The following ATP11A variants were observed in gnomAD, a reference collection of about 807,000 sequenced individuals.
ATP11A encodes ATPase phospholipid transporting 11A.
ATP11A carries 81 observed loss-of-function variants against 154.4 expected under a neutral mutation model. The ratio of observed to expected loss-of-function variants is 0.52; its 90% CI spans 0.44 to 0.63. The LOEUF is 0.63. ATP11A is among the 30% of genes least tolerant of loss of function. The probability of loss-of-function intolerance (pLI) is 0.00; values close to 1 mark genes in which losing one functional copy is unlikely to be tolerated. For synonymous variants in ATP11A, 623 were observed against 585.9 expected (o/e 1.06, Z -0.91); for missense variants, 1,316 against 1,474.3 (o/e 0.89, Z 1.76).
chr13:112,800,979 G>C lies in ATP11A; in HGVS notation c.163-3978G>C, dbSNP rs536030384. Reference sequence around the variant, plus strand: ...GTACTGCAGCAAACTAAAAACAGAGGGGAATTTCCTGAGCTTCATAAAGAG... The same window carrying C: ...GTACTGCAGCAAACTAAAAACAGAGCGGAATTTCCTGAGCTTCATAAAGAG... On this transcript the variant is annotated intron_variant, in intron 2 of 29. Coordinates refer to ENST00000375645, the MANE Select transcript of ATP11A (RefSeq NM_015205.3). Among the ~76,000 whole-genome samples, 171 of 152,208 alleles carry C rather than the reference G, an allele frequency of 1.1e-3. 2 individuals are homozygous for C. The highest frequency in any genetic ancestry group is 5.8e-4 in the East Asian group (3 of 5,182).
intron 18 of ATP11A, chr13:112,851,482 ATAT>A (rs1374814382): frequency 1.1e-5 from 4 of 365,338 alleles, no homozygotes; most frequent in African/African-American, 9.2e-5. Context: ...TTGTCATATC[ATAT>A]TATGAACAGG....
chr13:112,747,678 G>A (rs145640900), intron 1 of ATP11A, among the ~76,000 whole-genome samples: 2,114 of 152,140 alleles, frequency 0.014, 45 homozygotes, highest in African/African-American at 0.04. Context: ...TCTACTAAAA[G>A]TACAAAAATT....
intron 1 of ATP11A, among the ~76,000 whole-genome samples, chr13:112,704,100 C>CG (rs1004766798): frequency 2.6e-5 from 4 of 152,294 alleles, no homozygotes; most frequent in Admixed American, 2.6e-4. Context: ...CTGTCCCAGG[C>CG]GGGGGAGTCA....
intron 26 of ATP11A, among the ~76,000 whole-genome samples, chr13:112,872,408 C>T (rs1029966811): frequency 3.9e-5 from 6 of 152,184 alleles, no homozygotes; most frequent in African/African-American, 1.2e-4. Flanking sequence ...GTCAGCAGTT[C>T]GAGACCAGCC....
At position 112,873,658 on chromosome 13, in the gene ATP11A, T is replaced by C. The variant is rs369157712; in HGVS notation, c.3143T>C (p.Leu1048Pro). The C allele has an allele frequency of 6.2e-7, 1 of 1,613,314 alleles. No homozygotes were observed. The highest frequency in any genetic ancestry group is 8.5e-7 in the Non-Finnish European group (1 of 1,179,368). Residue 1048 changes from leucine to proline, a missense_variant, in exon 27 of 30, where the codon CTC becomes CCC. This residue lies in a region of ATP11A where 294 missense variants were observed against 290.2 expected (regional missense o/e 1.01). Coordinates refer to ENST00000375645, the MANE Select transcript of ATP11A (RefSeq NM_015205.3). ...SLLFYVVFSL[L>P]WGGVIWPFLN... ...CTGTTCTACGTTGTCTTTTCGCTTC[T>C]CTGGGGAGGAGTGATCTGGTAAATA... is the stretch of plus-strand genomic sequence containing the variant.
At chr13:112,760,295 C>T (rs1031434936) in intron 1 of ATP11A, among the ~76,000 whole-genome samples, 1 of 152,144 alleles carries the variant, frequency 6.6e-6, no homozygotes, top group Non-Finnish European at 1.5e-5. Context: ...TTCGTCCAGG[C>T]GCTGCTGTGT....
chr13:112,854,443 A>G lies in ATP11A; in HGVS notation c.2156A>G (p.Glu719Gly). 3 of 1,612,866 alleles carry G rather than the reference A, an allele frequency of 1.9e-6. No homozygotes were observed. The highest frequency in any genetic ancestry group is 1.7e-6 in the Non-Finnish European group (2 of 1,179,966). Residue 719 changes from glutamate (E) to glycine (G), a missense_variant, in exon 19 of 30, where the codon GAG becomes GGG. By Grantham distance (98) the Glu-to-Gly change is moderately conservative. Around this residue, in one of 5 missense-constraint regions of ATP11A, gnomAD observed 876 missense variants for 1,006.8 expected, o/e 0.87. Transcript: ENST00000375645. Reference sequence around the variant, plus strand: ...CTGGAGCTGACCACCAAGAGGATCGAGGAGCAGAGCCTGCACGACGTCCTG... The same window carrying G: ...CTGGAGCTGACCACCAAGAGGATCGGGGAGCAGAGCCTGCACGACGTCCTG... ...QLLELTTKRI[E>G]EQSLHDVLFE...
chr13:112,849,973 AG>A (rs1228318772), intron 17 of ATP11A, among the ~76,000 whole-genome samples: 1 of 152,238 alleles, frequency 6.6e-6, no homozygotes, highest in African/African-American at 2.4e-5. Context: ...CCTGGAGAAC[AG>A]GACTCAGGCA....
At chr13:112,706,221 G>GT (rs1286945925) in intron 1 of ATP11A, among the ~76,000 whole-genome samples, 35 of 152,294 alleles carry the variant, frequency 2.3e-4, no homozygotes, top group African/African-American at 7.7e-4. Context: ...ATAGTAAAAG[G>GT]TAAAAAGGTA....
At chr13:112,698,291 C>T (rs967697783) in intron 1 of ATP11A, among the ~76,000 whole-genome samples, 3 of 152,162 alleles carry the variant, frequency 2.0e-5, no homozygotes, top group African/African-American at 7.2e-5. Context: ...ATCACTGCTG[C>T]GTCGAAGCCT....
rs1233411678 is a variant in ATP11A, at chr13:112,785,210, G to A, written c.115G>A (p.Ala39Thr). The A allele has an allele frequency of 6.3e-7, 1 of 1,575,280 alleles. No individual in the cohort carries two copies. ...CAGGGAGCCACCTCCGGGCGCAGAG[G>A]CCTACATCCCACAGAGATACCCAGA... Reference protein sequence around the residue: ...GHREPPPGAEAYIPQRYPDNR... With the variant: ...GHREPPPGAETYIPQRYPDNR... The change falls in exon 2 of 30, where the codon GCC (alanine) becomes ACC (threonine). Residue 39 changes from alanine to threonine, a missense_variant. Ala to Thr is a moderately conservative substitution (Grantham distance 58). Transcript: ENST00000375645. This position sits in a 1 kb window ranked among gnomAD's most constrained non-coding sequence, Gnocchi z 4.8.
At chr13:112,818,574 G>C (rs2078710449) in intron 6 of ATP11A, among the ~76,000 whole-genome samples, 2 of 152,174 alleles carry the variant, frequency 1.3e-5, no homozygotes, top group Admixed American at 1.3e-4. Context: ...CCCAAGGCAG[G>C]GCCGGTGCAG....
chr13:112,698,193 C>A (rs1164687556), intron 1 of ATP11A, among the ~76,000 whole-genome samples: 1 of 152,128 alleles, frequency 6.6e-6, no homozygotes, highest in Non-Finnish European at 1.5e-5. Flanking sequence ...TGACTCCTGG[C>A]CTGCTGGTTT....
intron 1 of ATP11A, among the ~76,000 whole-genome samples, chr13:112,779,603 CA>C (rs1392719648): frequency 6.6e-6 from 1 of 152,196 alleles, no homozygotes; most frequent in Non-Finnish European, 1.5e-5. Flanking sequence ...AACAGAGAAG[CA>C]CTTCTGACAT....
intron 19 of ATP11A, 33 bp downstream of exon 19, chr13:112,854,563 C>G: frequency 6.3e-7 from 1 of 1,587,406 alleles, no homozygotes; most frequent in Non-Finnish European, 8.5e-7. Flanking sequence ...CACCCCCACA[C>G]TCCCGCAAAA....
chr13:112,733,455 T>C (rs1325310695), intron 1 of ATP11A, among the ~76,000 whole-genome samples: 1 of 152,232 alleles, frequency 6.6e-6, no homozygotes, highest in African/African-American at 2.4e-5. Context: ...TTACTAACAC[T>C]GGATATTAAC....
intron 1 of ATP11A, among the ~76,000 whole-genome samples, chr13:112,716,994 C>G (rs554887427): frequency 6.6e-6 from 1 of 152,036 alleles, no homozygotes; most frequent in East Asian, 1.9e-4. Context: ...CGCAGACCCA[C>G]TGGCCTGCAG....
chr13:112,747,505 T>C (rs1892301794), intron 1 of ATP11A: 2 of 152,264 alleles, frequency 1.3e-5, no homozygotes, highest in South Asian at 2.1e-4. Context: ...TATGTGCACA[T>C]TCAATAGCCC....
At chr13:112,801,112 T>G (rs111243404) in intron 2 of ATP11A, among the ~76,000 whole-genome samples, 2,799 of 111,598 alleles carry the variant, frequency 0.025, 2 homozygotes, top group East Asian at 0.057. Context: ...CTGTTCTTAT[T>G]CAGCATTGTA....
Sources: allele counts gnomAD v4.1 joint callset (sites outside exome capture counted in the v4.1 genomes callset), GRCh38; gene constraint gnomAD v4.1.1; regional missense constraint gnomAD v4.1.1; non-coding constraint Gnocchi (gnomAD v3.1); transcripts MANE v1.5; gene names NCBI Gene and HGNC (gene_info 2026-07-23, HGNC 2026-07-21).